Variants in PCDHA9 observed in about 807,000 individuals in gnomAD.
PCDHA9 encodes the protein protocadherin alpha 9, also known as protocadherin alpha-9.
A neutral mutation model predicts 62.0 loss-of-function variants in PCDHA9; 62 were observed. That is an observed-to-expected ratio of 1.00 (90% CI 0.81 to 1.23). The LOEUF is 1.23. PCDHA9 is among the 50% of genes most tolerant of loss of function. PCDHA9 has a pLI of 0.00. For synonymous variants in PCDHA9, 557 were observed against 567.6 expected (o/e 0.98, Z 0.27); for missense variants, 1,205 against 1,249.8 (o/e 0.96, Z 0.54).
At chr5:140,896,882 T>C (rs1345268084) in intron 1 of PCDHA9, among the ~76,000 whole-genome samples, 1 of 152,198 alleles carries the variant, frequency 6.6e-6, no homozygotes. Flanking sequence ...TTATGGGGTA[T>C]ATGAGACATT....
At chr5:140,988,294 G>A (rs2097291713) in intron 3 of PCDHA9, among the ~76,000 whole-genome samples, 1 of 152,206 alleles carries the variant, frequency 6.6e-6, no homozygotes, top group South Asian at 2.1e-4. Context: ...TGACAGCCCA[G>A]GAGTGCCAGC....
At chr5:140,931,875 T>C (rs1457456146) in intron 1 of PCDHA9, among the ~76,000 whole-genome samples, 3 of 151,982 alleles carry the variant, frequency 2.0e-5, no homozygotes, top group African/African-American at 7.2e-5. Flanking sequence ...AAAATATTTA[T>C]TGCTTTCATT....
At chr5:140,926,888 G>A in intron 1 of PCDHA9, 1 of 1,544,494 alleles carries the variant, frequency 6.5e-7, no homozygotes, top group Non-Finnish European at 8.7e-7. Flanking sequence ...ACGCCTAGAG[G>A]GAGGATGGTG....
At chr5:140,921,080 A>G (rs1329038497) in intron 1 of PCDHA9, among the ~76,000 whole-genome samples, 1 of 152,008 alleles carries the variant, frequency 6.6e-6, no homozygotes. Context: ...CTTGGGCTCA[A>G]GAGAATCCTC....
chr5:140,959,141 C>G (rs936183508), intron 1 of PCDHA9, among the ~76,000 whole-genome samples: 1 of 151,924 alleles, frequency 6.6e-6, no homozygotes, highest in Admixed American at 6.6e-5. Context: ...CTTTGGGAGG[C>G]CAAAGTGGGC....
intron 1 of PCDHA9, among the ~76,000 whole-genome samples, chr5:140,960,335 G>T (rs1362472967): frequency 1.3e-5 from 2 of 152,148 alleles, no homozygotes; most frequent in African/African-American, 4.8e-5. Context: ...AGAAGTACAT[G>T]AGGTGAGATA....
rs145248721 is a variant in PCDHA9 at position 140,849,849 on chromosome 5, G to A, written c.1354G>A (p.Ala452Thr). 13 of 1,598,556 alleles carry A rather than the reference G, an allele frequency of 8.1e-6. 1 individual carries two copies. The South Asian group carries it at 1.1e-4, about 14-fold the overall frequency. The change falls in exon 1 of 4, where the codon GCA becomes ACA. Residue 452 changes from alanine to threonine, a missense_variant. Coordinates refer to ENST00000532602, the MANE Select transcript of PCDHA9 (RefSeq NM_031857.2). Reference sequence around the variant, plus strand: ...GGAGGTGGCCGACGTGAACGACAACGCACCAGCGTTCGCGCAGTCCGAGTA... The same window carrying A: ...GGAGGTGGCCGACGTGAACGACAACACACCAGCGTTCGCGCAGTCCGAGTA... Reference protein sequence around the residue: ...SVEVADVNDNAPAFAQSEYTV... With the variant: ...SVEVADVNDNTPAFAQSEYTV...
At chr5:140,886,827 GAAAAAAA>G (rs782016620) in intron 1 of PCDHA9, among the ~76,000 whole-genome samples, 7 of 60,890 alleles carry the variant, frequency 1.1e-4, no homozygotes, top group African/African-American at 4.2e-4. Context: ...ACTTCGTCTT[GAAAAAAA>G]AAAAAAAAAA....
intron 1 of PCDHA9, chr5:140,867,337 G>A (rs1299796408): frequency 6.6e-6 from 1 of 152,004 alleles, no homozygotes; most frequent in African/African-American, 2.4e-5. Flanking sequence ...GTTTTGATTA[G>A]AGGCTACTAT....
chr5:140,947,277 T>C (rs1272482991), intron 1 of PCDHA9, among the ~76,000 whole-genome samples: 3 of 151,662 alleles, frequency 2.0e-5, no homozygotes, highest in African/African-American at 7.2e-5. Context: ...AAATACTTTT[T>C]CTTTTTATTG....
rs2150427682 is a variant in PCDHA9, at chr5:140,848,977, A to C, written c.482A>C (p.Asp161Ala). 6.2e-7 allele frequency: 1 copy of C among 1,600,464 alleles called. No individual in the cohort carries two copies. Among genetic ancestry groups the C allele is most frequent in the South Asian group, 1.1e-5 (1 of 90,606 alleles). The change falls in exon 1 of 4, where the codon GAT (aspartate) becomes GCT (alanine). Residue 161 changes from aspartate (D) to alanine (A), a missense_variant. Transcript: ENST00000532602. The stretch of plus-strand genomic sequence containing the variant: ...CCACTAGAGGGCGCGTCCGATGCAG[A>C]TATCGGGGAGAACGCCCTGCTCACT... The part of the protein sequence containing the change: ...RFPLEGASDA[D>A]IGENALLTYR...
At chr5:140,913,997 A>G (rs2076553878) in intron 1 of PCDHA9, among the ~76,000 whole-genome samples, 1 of 152,170 alleles carries the variant, frequency 6.6e-6, no homozygotes, top group Admixed American at 6.5e-5. Flanking sequence ...TGACTAGCAT[A>G]TGGTCTATCT....
intron 1 of PCDHA9, among the ~76,000 whole-genome samples, chr5:140,906,844 G>C (rs1295549477): frequency 6.6e-6 from 1 of 152,192 alleles, no homozygotes; most frequent in Non-Finnish European, 1.5e-5. Context: ...TTCATCTTGA[G>C]AGTCTGGGTC....
intron 3 of PCDHA9, among the ~76,000 whole-genome samples, chr5:141,008,506 T>G (rs1362141784): frequency 5.9e-5 from 9 of 152,202 alleles, no homozygotes; most frequent in African/African-American, 2.2e-4. Context: ...CTTTATGGTG[T>G]GTCTTCCAAT....
In PCDHA9 at chr5:140,982,560, C is replaced by G. The variant is rs782437404; in HGVS notation, c.2539C>G (p.Pro847Ala). The G allele has an allele frequency of 5.6e-6, 9 of 1,614,098 alleles. No homozygotes were observed. Among genetic ancestry groups the G allele is most frequent in the South Asian group, 4.4e-5 (4 of 91,078 alleles). ...QQWPTVSSAT[P>A]EPEAGEVSPP... ...GTGGCCAACAGTATCCAGTGCAACA[C>G]CAGGTAAAGAGCTGGGGTCTCTCCA... Residue 847 changes from proline to alanine, a missense_variant, in exon 3 of 4, where the codon CCA (proline) becomes GCA (alanine). Physicochemically the swap from Pro to Ala is conservative, Grantham distance 27. Coordinates refer to ENST00000532602, the MANE Select transcript of PCDHA9 (RefSeq NM_031857.2).
intron 3 of PCDHA9, among the ~76,000 whole-genome samples, chr5:140,996,257 C>G (rs186736348): frequency 1.4e-4 from 22 of 152,342 alleles, no homozygotes; most frequent in African/African-American, 5.3e-4. Flanking sequence ...GACAGCAACA[C>G]AGAGCCTGGG....
At chr5:140,860,807 G>C (rs907238053) in intron 1 of PCDHA9, 3 of 152,116 alleles carry the variant, frequency 2.0e-5, no homozygotes. Context: ...GCACGATCTC[G>C]GCTCACTGCA....
chr5:140,967,020 C>G (rs782147091), intron 1 of PCDHA9: 4 of 1,607,570 alleles, frequency 2.5e-6, no homozygotes, highest in African/African-American at 1.3e-5. Flanking sequence ...CTGGGTGCGC[C>G]CAGTCCGCGC....
rs1351628380 is a variant in PCDHA9, at chr5:140,928,607, G to A, written c.2395-50342G>A. ...TCTGTCCCAGTGGAAATTGTGCCCC[G>A]CTCTGCCAGGACTGGACACTTGGTC... On this transcript the variant is annotated intron_variant, in intron 1 of 3. Coordinates refer to ENST00000532602, the MANE Select transcript of PCDHA9 (RefSeq NM_031857.2). 3.1e-6 allele frequency: 5 copies of A among 1,614,068 alleles called. No homozygotes were observed. In the South Asian group the frequency reaches 3.3e-5, roughly 11 times the overall value.
Sources: gnomAD v4.1 joint callset for allele counts (sites outside exome capture counted in the v4.1 genomes callset) on GRCh38, gnomAD v4.1.1 for gene constraint, MANE v1.5 for transcripts, NCBI Gene and HGNC (gene_info 2026-07-23, HGNC 2026-07-21) for gene names.